Variants in ZCCHC17 observed in about 807,000 individuals in gnomAD.
The protein encoded by ZCCHC17 is zinc finger CCHC-type containing 17, also known as zinc finger CCHC domain-containing protein 17.
ZCCHC17 carries 18 observed loss-of-function variants against 30.6 expected under a neutral mutation model. The ratio of observed to expected loss-of-function variants is 0.59; its 90% confidence interval spans 0.41 to 0.87. The LOEUF (loss-of-function observed/expected upper bound fraction) is 0.87, where lower values mean the gene tolerates loss of function less well. Among genes scored for constraint, ZCCHC17 ranks in the 40% least tolerant of loss-of-function variants. The probability of loss-of-function intolerance (pLI) is 0.00; values close to 1 mark genes in which losing one functional copy is unlikely to be tolerated. For synonymous variants in ZCCHC17, 88 were observed against 92.4 expected, an observed-to-expected ratio of 0.95 and a Z score of 0.27; for missense variants, 263 against 284.2, an observed-to-expected ratio of 0.93 and a Z score of 0.54.
chr1:31,361,984 G>A (rs1228553744), intron 7 of ZCCHC17, among the ~76,000 whole-genome samples: 1 of 151,938 alleles, frequency 6.6e-6, no homozygotes, highest in Non-Finnish European at 1.5e-5. Context: ...GCCAATTTTT[G>A]TATTTTTAGT....
chr1:31,312,487 G>A (rs540104737), intron 2 of ZCCHC17, among the ~76,000 whole-genome samples: 47 of 59,756 alleles, frequency 7.9e-4, no homozygotes, highest in Non-Finnish European at 1.4e-3. Context: ...AGACAAAATC[G>A]GGATTCTAGT....
At chr1:31,305,798 G>A (rs1188854238) in intron 1 of ZCCHC17, among the ~76,000 whole-genome samples, 1 of 152,028 alleles carries the variant, frequency 6.6e-6, no homozygotes, top group Non-Finnish European at 1.5e-5. Context: ...CTGAGTAACC[G>A]CAATAGAACC....
At chr1:31,298,262 A>G (rs1646216507) in intron 1 of ZCCHC17, among the ~76,000 whole-genome samples, 1 of 152,190 alleles carries the variant, frequency 6.6e-6, no homozygotes, top group Admixed American at 6.5e-5. Flanking sequence ...GAGAGGAATC[A>G]AAGGTAACTC....
Position 31,310,292 on chromosome 1 carries a change from G to A in ZCCHC17, c.66+128G>A, listed in dbSNP as rs549184430. ...TACAGCTTAAATGGGAAGGGCCAGC[G>A]GAACATCTGGCAATCACATGTGCCT... On this transcript the variant is annotated intron_variant, in intron 2 of 7. Coordinates refer to ENST00000344147, the MANE Select transcript of ZCCHC17 (RefSeq NM_016505.4). 18 of 819,708 alleles carry A rather than the reference G, an allele frequency of 2.2e-5. No homozygotes were observed. The South Asian group carries it at 2.4e-4, about 11-fold the overall frequency. 50.8% of individuals were successfully genotyped at this position (819,708 alleles called of 1,614,324 possible). A position where few individuals can be genotyped will look rare whatever the true frequency, so the allele number is the denominator to read the frequency against.
At chr1:31,329,903 G>C (rs760749404) in intron 3 of ZCCHC17, among the ~76,000 whole-genome samples, 1 of 152,088 alleles carries the variant, frequency 6.6e-6, no homozygotes, top group Non-Finnish European at 1.5e-5. Flanking sequence ...ATTAACGCTT[G>C]GATATATTTT....
chr1:31,299,281 G>A (rs779695715), intron 1 of ZCCHC17, among the ~76,000 whole-genome samples: 1 of 152,186 alleles, frequency 6.6e-6, no homozygotes, highest in African/African-American at 2.4e-5. Context: ...GAAAGTCACT[G>A]TGGAGTGTGG....
chr1:31,314,670 A>T (rs1016385537), intron 2 of ZCCHC17, among the ~76,000 whole-genome samples: 3 of 152,122 alleles, frequency 2.0e-5, no homozygotes, highest in African/African-American at 7.2e-5. Context: ...GTGCAATTGT[A>T]CATAAATGTG....
At chr1:31,335,065 T>TTC (rs1638761019) in intron 3 of ZCCHC17, among the ~76,000 whole-genome samples, 1 of 152,160 alleles carries the variant, frequency 6.6e-6, no homozygotes, top group South Asian at 2.1e-4. Flanking sequence ...TAACTCTCAG[T>TTC]TATGTTTCTC....
intron 7 of ZCCHC17, among the ~76,000 whole-genome samples, chr1:31,352,336 C>A (rs944682915): frequency 6.6e-6 from 1 of 152,212 alleles, no homozygotes; most frequent in Non-Finnish European, 1.5e-5. Context: ...CCTGCACTTG[C>A]AACCACTGTT....
chr1:31,360,785 A>G (rs1242411641), intron 7 of ZCCHC17, among the ~76,000 whole-genome samples: 1 of 152,216 alleles, frequency 6.6e-6, no homozygotes, highest in East Asian at 1.9e-4. Context: ...TTGCCGCTTT[A>G]GCCTTGGTCG....
At chr1:31,361,953 A>G (rs984656525) in intron 7 of ZCCHC17, among the ~76,000 whole-genome samples, 1 of 152,118 alleles carries the variant, frequency 6.6e-6, no homozygotes, top group African/African-American at 2.4e-5. Flanking sequence ...CTGGGACTAC[A>G]GGCCCGCGTA....
intron 7 of ZCCHC17, among the ~76,000 whole-genome samples, chr1:31,357,987 C>T (rs1045772235): frequency 2.0e-5 from 3 of 151,956 alleles, no homozygotes; most frequent in South Asian, 2.1e-4. Context: ...CTCCCGACCT[C>T]GGGTGATCCA....
At chr1:31,329,822 T>A (rs1000154651) in intron 3 of ZCCHC17, among the ~76,000 whole-genome samples, 2 of 152,240 alleles carry the variant, frequency 1.3e-5, no homozygotes, top group African/African-American at 4.8e-5. Context: ...CTTAATTTCC[T>A]TATCCCTGAA....
At chr1:31,343,081 T>C (rs747994485) in intron 5 of ZCCHC17, among the ~76,000 whole-genome samples, 2 of 152,120 alleles carry the variant, frequency 1.3e-5, no homozygotes, top group Admixed American at 6.5e-5. Flanking sequence ...GAATTTTTAT[T>C]TATTTATTTT....
intron 7 of ZCCHC17, among the ~76,000 whole-genome samples, chr1:31,351,005 C>G (rs1178713059): frequency 6.6e-6 from 1 of 152,168 alleles, no homozygotes; most frequent in Non-Finnish European, 1.5e-5. Flanking sequence ...AAAGCACTGA[C>G]AAGTAAGTTC....
At chr1:31,356,813 G>C (rs1639659016) in intron 7 of ZCCHC17, among the ~76,000 whole-genome samples, 1 of 152,180 alleles carries the variant, frequency 6.6e-6, no homozygotes, top group Non-Finnish European at 1.5e-5. Flanking sequence ...AACAATTTTT[G>C]TCCCAGTGAC....
intron 7 of ZCCHC17, among the ~76,000 whole-genome samples, chr1:31,354,903 G>A (rs187251516): frequency 3.9e-5 from 6 of 152,210 alleles, no homozygotes; most frequent in East Asian, 1.9e-4. Flanking sequence ...GGCCGGGCAC[G>A]GTGGCTCATG....
At chr1:31,331,475 T>C (rs1028459030) in intron 3 of ZCCHC17, among the ~76,000 whole-genome samples, 2 of 151,382 alleles carry the variant, frequency 1.3e-5, no homozygotes, top group Non-Finnish European at 2.9e-5. Context: ...GAGGGAGAGA[T>C]TATGGGAACA....
intron 2 of ZCCHC17, among the ~76,000 whole-genome samples, chr1:31,312,123 A>G (rs1646619862): frequency 1.3e-5 from 2 of 152,152 alleles, no homozygotes. Context: ...TTTCTACGGT[A>G]TTTTGTTATA....
Sources: gnomAD v4.1 joint callset for allele counts (sites outside exome capture counted in the v4.1 genomes callset) on GRCh38, gnomAD v4.1.1 for gene constraint, MANE v1.5 for transcripts, NCBI Gene and HGNC (gene_info 2026-07-23, HGNC 2026-07-21) for gene names.